The following PCDH1 variants were observed in gnomAD, a reference collection of about 807,000 sequenced individuals.
PCDH1 encodes the protein protocadherin-1.
A neutral mutation model predicts 74.6 loss-of-function variants in PCDH1; 23 were observed. The observed-to-expected ratio is 0.31, with a 90% confidence interval of 0.22 to 0.44. PCDH1 has a LOEUF of 0.44. PCDH1 is among the 20% of genes least tolerant of loss of function. The pLI, the probability that PCDH1 is intolerant of heterozygous loss-of-function variation, is 1.00. For missense variants in PCDH1, 1,214 were observed against 1,641.4 expected, an observed-to-expected ratio of 0.74 and a Z score of 4.50; for synonymous variants, 647 against 686.1, an observed-to-expected ratio of 0.94 and a Z score of 0.89.
chr5:141,854,069 C>A lies in PCDH1; in HGVS notation c.3687G>T (p.Gln1229His), dbSNP rs1187323036. 2.6e-6 allele frequency: 4 copies of A among 1,518,344 alleles called. No individual in the cohort carries two copies. The highest frequency in any genetic ancestry group is 2.7e-6 in the Non-Finnish European group (3 of 1,131,864). The allele number at this position is 1,518,344 out of a possible 1,614,324, so 94.1% of individuals were successfully genotyped here. The change falls in exon 5 of 5, where the codon CAG (glutamine) becomes CAT (histidine). Residue 1229 changes from glutamine to histidine, a missense_variant. By Grantham distance (24) the Gln-to-His change is conservative. This residue lies in a region of PCDH1 where 194 missense variants were observed against 198.3 expected (regional missense o/e 0.98). Coordinates refer to ENST00000287008, the MANE Select transcript of PCDH1 (RefSeq NM_032420.5). The part of the protein sequence containing the change: ...FPPAATPASA[Q>H]TAKREIYL ...ACAGGTAGATCTCGCGCTTGGCCGT[C>A]TGGGCAGATGCCGGTGTGGCTGCGG...
chr5:141,860,192 G>A (rs1434076003), intron 3 of PCDH1, among the ~76,000 whole-genome samples: 2 of 152,136 alleles, frequency 1.3e-5, no homozygotes, highest in Non-Finnish European at 2.9e-5. Context: ...GCAATATGGT[G>A]AAATAAATTC....
In PCDH1 at chr5:141,863,163, G is replaced by C; in HGVS notation, c.3099+69C>G. On this transcript the variant is annotated intron_variant, in intron 3 of 4. Coordinates refer to ENST00000287008, the MANE Select transcript of PCDH1 (RefSeq NM_032420.5). This position sits in a 1 kb window ranked among gnomAD's most constrained non-coding sequence, Gnocchi z 7.5. Reference sequence around the variant, plus strand: ...ACCTGCTCCATCACTCCCACACCTCGGTCCAGATGGCTCCGTGGTAGGGGT... The same window carrying C: ...ACCTGCTCCATCACTCCCACACCTCCGTCCAGATGGCTCCGTGGTAGGGGT... The C allele has an allele frequency of 6.0e-6, 9 of 1,493,742 alleles. No homozygotes were observed. Among genetic ancestry groups the C allele is most frequent in the Non-Finnish European group, 8.0e-6 (9 of 1,119,552 alleles). 92.5% of individuals were successfully genotyped at this position (1,493,742 alleles called of 1,614,324 possible). A position where few individuals can be genotyped will look rare whatever the true frequency, so the allele number is the denominator to read the frequency against.
intron 3 of PCDH1, among the ~76,000 whole-genome samples, chr5:141,858,810 C>T (rs917825475): frequency 2.0e-5 from 3 of 152,138 alleles, no homozygotes; most frequent in African/African-American, 7.2e-5. Flanking sequence ...TTTGGCAGTG[C>T]TTTGTCTTAC....
chr5:141,858,599 A>C (rs1752450002), intron 3 of PCDH1, among the ~76,000 whole-genome samples: 1 of 152,148 alleles, frequency 6.6e-6, no homozygotes, highest in African/African-American at 2.4e-5. Flanking sequence ...CAGCCCTGGA[A>C]CCTGGCAATC....
Position 141,854,025 on chromosome 5 carries a change from GC to G in PCDH1, c.*16del. On this transcript the variant is annotated 3_prime_UTR_variant, in exon 5 of 5. Transcript: ENST00000287008. ...GCCGGCGGCTGGGGGAGGGGGGCCG[GC>G]CGGCCAGTAGGGGGCTCACAGGTAG... 6.8e-7 allele frequency: 1 copy of G among 1,477,336 alleles called. No individual in the cohort carries two copies. The highest frequency in any genetic ancestry group is 9.0e-7 in the Non-Finnish European group (1 of 1,114,054). 91.5% of individuals were successfully genotyped at this position (1,477,336 alleles called of 1,614,324 possible).
At chr5:141,873,463 T>A (rs1753146141) in intron 1 of PCDH1, among the ~76,000 whole-genome samples, 1 of 146,698 alleles carries the variant, frequency 6.8e-6, no homozygotes, top group Admixed American at 6.8e-5. Context: ...TTTTTTTTTC[T>A]TGAGACGGAG....
intron 1 of PCDH1, among the ~76,000 whole-genome samples, chr5:141,875,709 A>G (rs767394499): frequency 4.2e-4 from 64 of 152,024 alleles, no homozygotes; most frequent in Non-Finnish European, 8.2e-4. Context: ...AGGGGTAAAA[A>G]CTAAATGCGG....
chr5:141,865,015 G>C lies in PCDH1; in HGVS notation c.1316C>G (p.Pro439Arg). 6.2e-7 allele frequency: 1 copy of C among 1,614,082 alleles called. No individual in the cohort carries two copies. Among genetic ancestry groups the C allele is most frequent in the Non-Finnish European group, 8.5e-7 (1 of 1,180,018 alleles). ...AVTCVVAGDV[P>R]FQLRQASETG... ...CTCACTGGCCTGGCGCAGCTGGAAG[G>C]GCACATCACCTGCCACCACACAGGT... Residue 439 changes from proline (P) to arginine (R), a missense_variant, in exon 3 of 5, where the codon CCC becomes CGC. Pro to Arg is a moderately radical substitution (Grantham distance 103). This residue lies in a region of PCDH1 where 836 missense variants were observed against 1,182.2 expected (regional missense o/e 0.71). Coordinates refer to ENST00000287008, the MANE Select transcript of PCDH1 (RefSeq NM_032420.5). The surrounding 1 kb of genome is among the most constrained non-coding windows in gnomAD (Gnocchi z 4.4).
chr5:141,856,578 A>T (rs1752348058), intron 4 of PCDH1, among the ~76,000 whole-genome samples: 1 of 152,032 alleles, frequency 6.6e-6, no homozygotes, highest in Non-Finnish European at 1.5e-5. Flanking sequence ...CGCACTGCAC[A>T]CACACTGACG....
intron 4 of PCDH1, among the ~76,000 whole-genome samples, chr5:141,855,323 C>T (rs1752293460): frequency 6.6e-6 from 1 of 152,070 alleles, no homozygotes; most frequent in African/African-American, 2.4e-5. Context: ...TCTTCTTACA[C>T]ACCCACCAAA....
Position 141,865,963 on chromosome 5 carries a change from GTT to G in PCDH1, c.904-538_904-537del, listed in dbSNP as rs1343954348. On this transcript the variant is annotated intron_variant, in intron 2 of 4. Coordinates refer to ENST00000287008, the MANE Select transcript of PCDH1 (RefSeq NM_032420.5). The surrounding 1 kb of genome is among the most constrained non-coding windows in gnomAD (Gnocchi z 4.4). Reference sequence around the variant, plus strand: ...TATGTTTGTGTGAGAAGGTATATGTGTTTGTATGTGTATGATTGTGTCAGAAT... The same window carrying G: ...TATGTTTGTGTGAGAAGGTATATGTGTGTATGTGTATGATTGTGTCAGAAT... The G allele has an allele frequency of 1.3e-6, 1 of 756,632 alleles. No homozygotes were observed. The highest frequency in any genetic ancestry group is 1.9e-5 in the African/African-American group (1 of 52,938). The allele number at this position is 756,632 out of a possible 1,614,324, so 46.9% of individuals were successfully genotyped here.
rs1752630220 is a variant in PCDH1 at position 141,863,041 on chromosome 5, A to G, written c.3099+191T>C. The stretch of plus-strand genomic sequence containing the variant: ...AGACCACAGAGCACACCCTCCCTTA[A>G]TCTTCACTCAGCCTAATCCGTGTGC... On this transcript the variant is annotated intron_variant, in intron 3 of 4. Transcript: ENST00000287008. This position sits in a 1 kb window ranked among gnomAD's most constrained non-coding sequence, Gnocchi z 7.5. 7.6e-7 allele frequency: 1 copy of G among 1,318,978 alleles called. No homozygotes were observed. 81.7% of individuals were successfully genotyped at this position (1,318,978 alleles called of 1,614,324 possible).
In PCDH1 at chr5:141,869,823, G is replaced by A. The variant is rs931358249; in HGVS notation, c.41-392C>T. On this transcript the variant is annotated intron_variant, in intron 1 of 4. Transcript: ENST00000287008. This position sits in a 1 kb window ranked among gnomAD's most constrained non-coding sequence, Gnocchi z 4.9. Reference sequence around the variant, plus strand: ...TCACGAGCATCCTGCCTTAGTCACCGATGGTAATTACCTTGATACTGAGAT... The same window carrying A: ...TCACGAGCATCCTGCCTTAGTCACCAATGGTAATTACCTTGATACTGAGAT... 1.4e-5 allele frequency: 14 copies of A among 983,736 alleles called. No individual in the cohort carries two copies. Among genetic ancestry groups the A allele is most frequent in the Admixed American group, 6.1e-5 (1 of 16,268 alleles). 60.9% of individuals were successfully genotyped at this position (983,736 alleles called of 1,614,324 possible).
chr5:141,869,887 T>A lies in PCDH1; in HGVS notation c.41-456A>T. The A allele has an allele frequency of 1.3e-6, 1 of 790,940 alleles. No homozygotes were observed. The highest frequency in any genetic ancestry group is 1.5e-6 in the Non-Finnish European group (1 of 652,246). The allele number at this position is 790,940 out of a possible 1,614,324, so 49.0% of individuals were successfully genotyped here. On this transcript the variant is annotated intron_variant, in intron 1 of 4. Coordinates refer to ENST00000287008, the MANE Select transcript of PCDH1 (RefSeq NM_032420.5). This position sits in a 1 kb window ranked among gnomAD's most constrained non-coding sequence, Gnocchi z 4.9. The stretch of plus-strand genomic sequence containing the variant: ...CAGTGGAAGGGTGAGACCTCGAGCA[T>A]CCCCAACTGGAGCACCCCTCCCCAC...
At chr5:141,874,611 G>A (rs143247400) in intron 1 of PCDH1, among the ~76,000 whole-genome samples, 70 of 152,332 alleles carry the variant, frequency 4.6e-4, no homozygotes, top group Middle Eastern at 6.8e-3. Flanking sequence ...TCAACATCTG[G>A]GAAGGGATGA....
Position 141,863,480 on chromosome 5 carries a change from G to A in PCDH1, c.2851C>T (p.Arg951Cys), listed in dbSNP as rs747740639. The A allele has an allele frequency of 1.0e-5, 16 of 1,600,912 alleles. No individual in the cohort carries two copies. Among genetic ancestry groups the A allele is most frequent in the Admixed American group, 1.7e-5 (1 of 58,972 alleles). ...GGGTAGTTGAGGGGCAGGTGGATGCGGGGACTGTCCCCAGGGGCATCGCTC... is the reference window on the plus strand; with the variant it reads ...GGGTAGTTGAGGGGCAGGTGGATGCAGGGACTGTCCCCAGGGGCATCGCTC... ...LMSDAPGDSP[R>C]IHLPLNYPPG... is the part of the protein sequence containing the mutation. The change falls in exon 3 of 5, where the codon CGC becomes TGC. Residue 951 changes from arginine to cysteine, a missense_variant. This residue lies in a region of PCDH1 where 836 missense variants were observed against 1,182.2 expected (regional missense o/e 0.71). Coordinates refer to ENST00000287008, the MANE Select transcript of PCDH1 (RefSeq NM_032420.5). This position sits in a 1 kb window ranked among gnomAD's most constrained non-coding sequence, Gnocchi z 7.5.
Position 141,853,856 on chromosome 5 carries a change from A to AAC in PCDH1, c.*185_*186insGT. ...GGCCCCTGGGGGCTGGGAGATGGAA[A>AAC]TGAGGGGAGAGGACCTGGACCCTGC... is the stretch of plus-strand genomic sequence containing the variant. On this transcript the variant is annotated 3_prime_UTR_variant, in exon 5 of 5. Transcript: ENST00000287008. 2.3e-6 allele frequency: 1 copy of AAC among 434,572 alleles called. No homozygotes were observed. Among genetic ancestry groups the AAC allele is most frequent in the East Asian group, 3.4e-5 (1 of 29,292 alleles). 26.9% of individuals were successfully genotyped at this position (434,572 alleles called of 1,614,324 possible). A position where few individuals can be genotyped will look rare whatever the true frequency, so the allele number is the denominator to read the frequency against.
intron 1 of PCDH1, among the ~76,000 whole-genome samples, chr5:141,876,535 C>T (rs1416967459): frequency 6.6e-6 from 1 of 152,210 alleles, no homozygotes; most frequent in Admixed American, 6.5e-5. Flanking sequence ...GCCTCAGTGC[C>T]GCCCCCAGTC....
At position 141,868,101 on chromosome 5, in the gene PCDH1, G is replaced by A. The variant is rs1350306462; in HGVS notation, c.903+468C>T. 1.3e-5 allele frequency among the ~76,000 whole-genome samples: 2 copies of A among 152,248 alleles called. No individual in the cohort carries two copies. Among genetic ancestry groups the A allele is most frequent in the Non-Finnish European group, 2.9e-5 (2 of 68,046 alleles). Reference sequence around the variant, plus strand: ...AAAATGATCTCATCTGACTTTGTCAGGAAGAGGCAAAATGAGGCTATATCC... The same window carrying A: ...AAAATGATCTCATCTGACTTTGTCAAGAAGAGGCAAAATGAGGCTATATCC... On this transcript the variant is annotated intron_variant, in intron 2 of 4. Coordinates refer to ENST00000287008, the MANE Select transcript of PCDH1 (RefSeq NM_032420.5). This position sits in a 1 kb window ranked among gnomAD's most constrained non-coding sequence, Gnocchi z 4.8.
Sources: gnomAD v4.1 joint callset for allele counts (sites outside exome capture counted in the v4.1 genomes callset) on GRCh38, gnomAD v4.1.1 for gene constraint, gnomAD v4.1.1 regional missense constraint, Gnocchi (gnomAD v3.1) non-coding constraint, MANE v1.5 for transcripts, NCBI Gene and HGNC (gene_info 2026-07-23, HGNC 2026-07-21) for gene names.